Variants in RNF111 observed in about 807,000 individuals in gnomAD.
The protein encoded by RNF111 is E3 ubiquitin-protein ligase Arkadia.
In RNF111, 17 loss-of-function variants were observed where a neutral mutation model predicts 95.1. The observed-to-expected ratio is 0.18, with a 90% confidence interval of 0.12 to 0.27. RNF111 has a LOEUF of 0.27. Among genes scored for constraint, RNF111 ranks in the 10% least tolerant of loss-of-function variants. The pLI, the probability that RNF111 is intolerant of heterozygous loss-of-function variation, is 1.00. For missense variants in RNF111, 1,189 were observed against 1,210.4 expected, an observed-to-expected ratio of 0.98 and a Z score of 0.26; for synonymous variants, 440 against 414.8, an observed-to-expected ratio of 1.06 and a Z score of -0.74.
chr15:59,014,196 C>G (rs1432976259), intron 1 of RNF111, among the ~76,000 whole-genome samples: 1 of 152,132 alleles, frequency 6.6e-6, no homozygotes, highest in African/African-American at 2.4e-5. Context: ...TTCCAGTGTC[C>G]TGTTTGACAT....
intron 2 of RNF111, among the ~76,000 whole-genome samples, chr15:59,050,980 CAG>C (rs1345490361): frequency 6.6e-6 from 1 of 152,060 alleles, no homozygotes; most frequent in African/African-American, 2.4e-5. Flanking sequence ...TGTGGAGAGA[CAG>C]AGCAGGATTC....
intron 2 of RNF111, among the ~76,000 whole-genome samples, chr15:59,039,735 T>C (rs1331521948): frequency 6.6e-6 from 1 of 151,538 alleles, no homozygotes; most frequent in Admixed American, 6.6e-5. Flanking sequence ...TTTTTTTTTT[T>C]GAGACGGAGT....
chr15:59,012,826 C>G (rs1292931471), intron 1 of RNF111, among the ~76,000 whole-genome samples: 4 of 151,424 alleles, frequency 2.6e-5, no homozygotes, highest in African/African-American at 9.7e-5. Context: ...GTAACCTGTG[C>G]CCCCCAGGTT....
intron 1 of RNF111, among the ~76,000 whole-genome samples, chr15:59,008,696 G>T (rs1365269706): frequency 6.6e-6 from 1 of 152,040 alleles, no homozygotes; most frequent in Admixed American, 6.6e-5. Context: ...TTTTCTGTTT[G>T]TCCCACCTGT....
At chr15:59,068,964 C>T (rs1365027617) in intron 6 of RNF111, among the ~76,000 whole-genome samples, 1 of 151,430 alleles carries the variant, frequency 6.6e-6, no homozygotes, top group Non-Finnish European at 1.5e-5. Flanking sequence ...ATCCCAGCTG[C>T]TCAGGAGACT....
At chr15:59,080,323 G>T (rs2078702950) in intron 7 of RNF111, among the ~76,000 whole-genome samples, 1 of 152,058 alleles carries the variant, frequency 6.6e-6, no homozygotes, top group Non-Finnish European at 1.5e-5. Flanking sequence ...GCTTCGCCAT[G>T]TTGGCCAGGC....
At chr15:59,065,301 C>A (rs1218005817) in intron 5 of RNF111, among the ~76,000 whole-genome samples, 3 of 152,056 alleles carry the variant, frequency 2.0e-5, no homozygotes, top group African/African-American at 7.2e-5. Flanking sequence ...TTTGAGGAAG[C>A]GTTTCTAGGT....
chr15:59,090,647 TACTG>T (rs2140240309), intron 11 of RNF111, among the ~76,000 whole-genome samples: 1 of 152,372 alleles, frequency 6.6e-6, no homozygotes, highest in Non-Finnish European at 1.5e-5. Context: ...CATACATACA[TACTG>T]ACTTACATAG....
intron 5 of RNF111, among the ~76,000 whole-genome samples, chr15:59,063,023 A>G (rs1430250728): frequency 6.6e-6 from 1 of 152,214 alleles, no homozygotes; most frequent in Non-Finnish European, 1.5e-5. Context: ...ATGCTATGCT[A>G]GAACCCAGTG....
chr15:59,071,070 G>A (rs2042901832), intron 6 of RNF111, among the ~76,000 whole-genome samples: 1 of 152,124 alleles, frequency 6.6e-6, no homozygotes, highest in Admixed American at 6.6e-5. Flanking sequence ...GGCTGAGGCA[G>A]GCGGATCATG....
At chr15:59,070,961 A>C (rs1444985206) in intron 6 of RNF111, among the ~76,000 whole-genome samples, 1 of 152,176 alleles carries the variant, frequency 6.6e-6, no homozygotes, top group African/African-American at 2.4e-5. Context: ...CATTTTGAAA[A>C]GTATGGTTCC....
chr15:59,072,392 T>C (rs1033173761), intron 6 of RNF111, among the ~76,000 whole-genome samples: 11 of 152,138 alleles, frequency 7.2e-5, no homozygotes, highest in African/African-American at 2.2e-4. Context: ...TTATGTGATG[T>C]ACTAATGTAA....
intron 1 of RNF111, among the ~76,000 whole-genome samples, chr15:59,001,893 A>G (rs1216255170): frequency 6.6e-6 from 1 of 152,240 alleles, no homozygotes; most frequent in Admixed American, 6.5e-5. Flanking sequence ...TAATTTATAC[A>G]TTGGGCAGAG....
At chr15:59,017,048 T>C (rs1315416271) in intron 1 of RNF111, among the ~76,000 whole-genome samples, 1 of 151,840 alleles carries the variant, frequency 6.6e-6, no homozygotes, top group Non-Finnish European at 1.5e-5. Flanking sequence ...ACTGATTCTA[T>C]ATTACGGTGA....
At chr15:59,000,163 CTTT>C (rs71425835) in intron 1 of RNF111, among the ~76,000 whole-genome samples, 4,305 of 131,998 alleles carry the variant, frequency 0.033, 106 homozygotes, top group African/African-American at 0.086. Context: ...TTTTTTTTCC[CTTT>C]TTTTTTTTTT....
At chr15:59,039,651 C>G (rs2041350145) in intron 2 of RNF111, among the ~76,000 whole-genome samples, 2 of 152,076 alleles carry the variant, frequency 1.3e-5, no homozygotes, top group African/African-American at 4.8e-5. Context: ...TCTGGTATAT[C>G]AAGTTGGTGC....
chr15:59,068,215 G>A lies in RNF111; in HGVS notation c.1686+1132G>A, dbSNP rs531881113. Among the ~76,000 whole-genome samples the A allele has an allele frequency of 2.4e-4, 36 of 151,970 alleles. No homozygotes were observed. The South Asian group carries it at 5.0e-3, about 21-fold the overall frequency. On this transcript the variant is annotated intron_variant, in intron 6 of 13. Transcript: ENST00000348370. ...AGCCTGGGCGACAGAGTGAGATGCT[G>A]TCTCAAAAAACAACAACAACAACAA...
At chr15:59,027,300 A>G (rs1355120122) in intron 1 of RNF111, among the ~76,000 whole-genome samples, 1 of 152,220 alleles carries the variant, frequency 6.6e-6, no homozygotes, top group African/African-American at 2.4e-5. Flanking sequence ...TGTTTCCAAC[A>G]TACATCATGA....
intron 1 of RNF111, among the ~76,000 whole-genome samples, chr15:58,995,974 A>G (rs1160760575): frequency 6.6e-6 from 1 of 151,890 alleles, no homozygotes; most frequent in Non-Finnish European, 1.5e-5. Flanking sequence ...ATCGCTAGGA[A>G]ACTAAATTTA....
Sources: allele counts gnomAD v4.1 joint callset (sites outside exome capture counted in the v4.1 genomes callset), GRCh38; gene constraint gnomAD v4.1.1; transcripts MANE v1.5; gene names NCBI Gene and HGNC (gene_info 2026-07-23, HGNC 2026-07-21).